SLC44A1: variants seen among roughly 807,000 people sequenced by gnomAD.
The protein encoded by SLC44A1 is solute carrier family 44 member 1, also known as choline transporter-like protein 1.
In SLC44A1, 26 loss-of-function variants were observed where a neutral mutation model predicts 79.3. The ratio of observed to expected loss-of-function variants is 0.33; its 90% CI spans 0.24 to 0.46. The LOEUF is 0.46. Among genes scored for constraint, SLC44A1 ranks in the 20% least tolerant of loss-of-function variants. The probability of loss-of-function intolerance (pLI) is 1.00; values close to 1 mark genes in which losing one functional copy is unlikely to be tolerated. For missense variants in SLC44A1, 688 were observed against 798.1 expected (o/e 0.86, Z 1.66); for synonymous variants, 263 against 286.2 (o/e 0.92, Z 0.82).
chr9:105,430,978 G>A (rs1239145915), intron 15 of SLC44A1, among the ~76,000 whole-genome samples: 1 of 152,176 alleles, frequency 6.6e-6, no homozygotes, highest in East Asian at 1.9e-4. Context: ...GTGTGAAGTT[G>A]TATCTCAGTG....
At chr9:105,330,988 G>A (rs988839177) in intron 3 of SLC44A1, among the ~76,000 whole-genome samples, 2 of 152,150 alleles carry the variant, frequency 1.3e-5, no homozygotes, top group Non-Finnish European at 2.9e-5. Flanking sequence ...TGTGCATATT[G>A]TATATGCCAA....
At chr9:105,257,803 A>G (rs927890164) in intron 1 of SLC44A1, among the ~76,000 whole-genome samples, 3 of 152,236 alleles carry the variant, frequency 2.0e-5, no homozygotes, top group South Asian at 2.1e-4. Context: ...AAGGAAGCAG[A>G]CAATAACTTG....
chr9:105,308,379 A>G (rs756891056), intron 2 of SLC44A1, among the ~76,000 whole-genome samples: 3 of 152,222 alleles, frequency 2.0e-5, no homozygotes, highest in Non-Finnish European at 4.4e-5. Flanking sequence ...AATTATCTCA[A>G]TTTTACAGAT....
At position 105,389,572 on chromosome 9, in the gene SLC44A1, CCAAT is replaced by C; in HGVS notation, c.*520_*523del. The C allele has an allele frequency of 9.0e-7, 1 of 1,114,814 alleles. No homozygotes were observed. Among genetic ancestry groups the C allele is most frequent in the South Asian group, 4.1e-5 (1 of 24,192 alleles). 69.1% of individuals were successfully genotyped at this position (1,114,814 alleles called of 1,614,324 possible). A position where few individuals can be genotyped will look rare whatever the true frequency, so the allele number is the denominator to read the frequency against. On this transcript the variant is annotated 3_prime_UTR_variant, in exon 16 of 16. Transcript: ENST00000374720. The stretch of plus-strand genomic sequence containing the variant: ...AAGGAATTACTCCAATCAGTTTTCC[CCAAT>C]CAAAGAAGCCATGTCATTTTACTTT...
At chr9:105,366,912 G>A (rs374527543) in intron 12 of SLC44A1, among the ~76,000 whole-genome samples, 8 of 149,356 alleles carry the variant, frequency 5.4e-5, no homozygotes, top group Non-Finnish European at 7.4e-5. Context: ...ACTATCATTC[G>A]AACTAGTGTG....
rs767287300 is a variant in SLC44A1, at chr9:105,374,786, T to C, written c.1632+51T>C. On this transcript the variant is annotated intron_variant, in intron 13 of 15. Transcript: ENST00000374720. ...CATACAGTAAAATTTTGCATATATT[T>C]ATTTGCTCTTTTATTTTAAAAATAT... 1.8e-5 allele frequency: 26 copies of C among 1,427,096 alleles called. No homozygotes were observed. In the African/African-American group the frequency reaches 3.7e-4, roughly 20 times the overall value. 88.4% of individuals were successfully genotyped at this position (1,427,096 alleles called of 1,614,324 possible).
At chr9:105,350,242 G>C (rs1453622586) in intron 5 of SLC44A1, among the ~76,000 whole-genome samples, 2 of 152,140 alleles carry the variant, frequency 1.3e-5, no homozygotes, top group Non-Finnish European at 2.9e-5. Context: ...AAGCCAGTTG[G>C]AAAGTAAAAG....
chr9:105,416,874 G>A (rs1260515445), intron 15 of SLC44A1, among the ~76,000 whole-genome samples: 6 of 152,182 alleles, frequency 3.9e-5, no homozygotes, highest in African/African-American at 1.4e-4. Flanking sequence ...CTATTTATCT[G>A]ACAGTGGTCA....
At chr9:105,415,644 T>C (rs1240710730) in intron 15 of SLC44A1, among the ~76,000 whole-genome samples, 1 of 152,154 alleles carries the variant, frequency 6.6e-6, no homozygotes, top group African/African-American at 2.4e-5. Flanking sequence ...TTTTCTCTAA[T>C]GGGGCCTCCA....
intron 15 of SLC44A1, chr9:105,385,737 T>C (rs1828610978): frequency 1.0e-6 from 1 of 985,432 alleles, no homozygotes; most frequent in African/African-American, 1.7e-5. Flanking sequence ...TCGTCAGTGC[T>C]CGGCAGGGGC....
At chr9:105,303,645 A>G (rs1041674838) in intron 2 of SLC44A1, among the ~76,000 whole-genome samples, 3 of 152,242 alleles carry the variant, frequency 2.0e-5, no homozygotes, top group Admixed American at 1.3e-4. Context: ...GATAAGCTCA[A>G]TAACTGTCTA....
intron 1 of SLC44A1, among the ~76,000 whole-genome samples, chr9:105,276,680 C>T (rs1830214811): frequency 1.3e-5 from 2 of 149,686 alleles, no homozygotes; most frequent in South Asian, 4.3e-4. Flanking sequence ...AGGGGGCAAA[C>T]AAACTTGATA....
chr9:105,343,716 A>G (rs754126105), intron 4 of SLC44A1, among the ~76,000 whole-genome samples: 1 of 152,200 alleles, frequency 6.6e-6, no homozygotes, highest in African/African-American at 2.4e-5. Flanking sequence ...CTTTCATTCA[A>G]CAAATACTTA....
At chr9:105,418,271 G>A (rs1339354575) in intron 15 of SLC44A1, among the ~76,000 whole-genome samples, 2 of 138,526 alleles carry the variant, frequency 1.4e-5, no homozygotes, top group Non-Finnish European at 3.0e-5. Flanking sequence ...CCGAGATTGC[G>A]CCATTGCACT....
chr9:105,328,397 G>A (rs996472972), intron 3 of SLC44A1, among the ~76,000 whole-genome samples: 1 of 152,176 alleles, frequency 6.6e-6, no homozygotes, highest in African/African-American at 2.4e-5. Context: ...TTTGAGTGAA[G>A]ACTTCAAAGG....
At chr9:105,299,347 T>G in intron 2 of SLC44A1, 38 bp downstream of exon 2, 1 of 1,397,410 alleles carries the variant, frequency 7.2e-7, no homozygotes, top group Non-Finnish European at 9.7e-7. Flanking sequence ...ACTGGACTCA[T>G]GATCCAAGGG....
intron 4 of SLC44A1, among the ~76,000 whole-genome samples, chr9:105,341,388 A>G (rs1004716174): frequency 1.3e-5 from 2 of 151,818 alleles, no homozygotes; most frequent in Non-Finnish European, 2.9e-5. Context: ...AAGAACTGTG[A>G]ATGCTAGTAC....
rs115661267 is a variant in SLC44A1 at position 105,424,335 on chromosome 9, A to G, written c.1951-13946A>G. Among the ~76,000 whole-genome samples the G allele has an allele frequency of 7.1e-3, 1,079 of 152,318 alleles. 14 individuals carry two copies. Among genetic ancestry groups the G allele is most frequent in the African/African-American group, 0.024 (1,011 of 41,574 alleles). ...CAGATACTTCTTCCTAAGGATGGAT[A>G]CTGGCTGTGATTGTAGCAGGAGATG... On this transcript the variant is annotated intron_variant, in intron 15 of 15. Coordinates refer to the SLC44A1 transcript ENST00000374724.
At chr9:105,282,894 G>A (rs1389273711) in intron 1 of SLC44A1, among the ~76,000 whole-genome samples, 1 of 152,082 alleles carries the variant, frequency 6.6e-6, no homozygotes, top group Non-Finnish European at 1.5e-5. Flanking sequence ...AGGATTTGGG[G>A]GTTTTGTGAC....
Sources: gnomAD v4.1 joint callset for allele counts (sites outside exome capture counted in the v4.1 genomes callset) on GRCh38, gnomAD v4.1.1 for gene constraint, MANE v1.5 for transcripts, NCBI Gene and HGNC (gene_info 2026-07-23, HGNC 2026-07-21) for gene names.